Variants in NTN3 observed in about 807,000 individuals in gnomAD.
NTN3 encodes netrin 3, also known as netrin-3.
A neutral mutation model predicts 37.2 loss-of-function variants in NTN3; 44 were observed. That is an observed-to-expected ratio of 1.18 (90% CI 0.93 to 1.52). The LOEUF is 1.52. Among genes scored for constraint, NTN3 ranks in the 40% most tolerant of loss-of-function variants. NTN3 has a pLI of 0.00. For missense variants in NTN3, 882 were observed against 857.3 expected, an observed-to-expected ratio of 1.03 and a Z score of -0.36; for synonymous variants, 385 against 376.0, an observed-to-expected ratio of 1.02 and a Z score of -0.28.
chr16:2,472,347 A>G lies in NTN3; in HGVS notation c.646A>G (p.Thr216Ala), dbSNP rs781470949. 6.8e-6 allele frequency: 11 copies of G among 1,611,822 alleles called. No individual in the cohort carries two copies. In the South Asian group the frequency reaches 1.1e-4, roughly 16 times the overall value. The change falls in exon 1 of 6, where the codon ACC (threonine) becomes GCC (alanine). Residue 216 changes from threonine to alanine, a missense_variant. By Grantham distance (58) the Thr-to-Ala change is moderately conservative (BLOSUM62 0). Coordinates refer to ENST00000293973, the MANE Select transcript of NTN3 (RefSeq NM_006181.3). ...DSSPVLQDWVTATDVRVVLTR... is the reference protein window; with the variant it reads ...DSSPVLQDWVAATDVRVVLTR... ...CAGCCCAGTGCTCCAAGACTGGGTG[A>G]CCGCCACCGACGTCCGTGTAGTGCT... is the stretch of plus-strand genomic sequence containing the variant.
At chr16:2,473,397 G>C (rs775247454) in intron 4 of NTN3, 32 bp from the exon 5 acceptor site, 1 of 1,612,694 alleles carries the variant, frequency 6.2e-7, no homozygotes, top group East Asian at 2.2e-5. Context: ...TGGGGAAAGG[G>C]AGTCTGTGCC....
rs1283649834 is a variant in NTN3, at chr16:2,472,240, C to T, written c.539C>T (p.Ala180Val). ...GPGPEALCFP[A>V]PLAQPDGSGL... The stretch of plus-strand genomic sequence containing the variant: ...GGGCCTGAGGCCCTGTGCTTCCCCG[C>T]ACCCCTGGCCCAGCCTGATGGCAGC... The change falls in exon 1 of 6, where the codon GCA (alanine) becomes GTA (valine). Residue 180 changes from alanine (A) to valine (V), a missense_variant. By Grantham distance (64) the Ala-to-Val change is moderately conservative (BLOSUM62 0). Coordinates refer to ENST00000293973, the MANE Select transcript of NTN3 (RefSeq NM_006181.3). 1.2e-6 allele frequency: 2 copies of T among 1,610,340 alleles called. No individual in the cohort carries two copies. Among genetic ancestry groups the T allele is most frequent in the Admixed American group, 1.7e-5 (1 of 59,778 alleles).
rs771510249 is a variant in NTN3 at position 2,472,986 on chromosome 16, C to G, written c.1119C>G (p.Ala373=). The stretch of plus-strand genomic sequence containing the variant: ...GGCCCTTCCCACCTCTGTCCTCAGC[C>G]TGCGACTGTCACCCGGTTGGTGCTG... ...RALSDRRACR[A]CDCHPVGAAG... is the part of the protein sequence containing the mutation. The change falls in exon 3 of 6, where the codon GCC becomes GCG. Residue 373 remains alanine, a splice_region_variant and synonymous_variant. Coordinates refer to ENST00000293973, the MANE Select transcript of NTN3 (RefSeq NM_006181.3). 1.3e-6 allele frequency: 2 copies of G among 1,599,846 alleles called. No homozygotes were observed. The highest frequency in any genetic ancestry group is 1.7e-6 in the Non-Finnish European group (2 of 1,172,438).
chr16:2,473,589 C>T (rs2065536772), intron 5 of NTN3, 86 bp downstream of exon 5: 1 of 1,437,580 alleles, frequency 7.0e-7, no homozygotes, highest in Non-Finnish European at 9.7e-7. Context: ...CTTGGAACGC[C>T]TTGACCCTTG....
In NTN3 at chr16:2,472,520, C is replaced by G; in HGVS notation, c.819C>G (p.Ile273Met). 6 of 1,608,276 alleles carry G rather than the reference C, an allele frequency of 3.7e-6. No homozygotes were observed. Among genetic ancestry groups the G allele is most frequent in the Non-Finnish European group, 4.2e-6 (5 of 1,179,184 alleles). The change falls in exon 1 of 6, where the codon ATC becomes ATG. Residue 273 changes from isoleucine to methionine, a missense_variant. Coordinates refer to ENST00000293973, the MANE Select transcript of NTN3 (RefSeq NM_006181.3). ...RCLLDTQGHL[I>M]CDCRHGTEGP... Reference sequence around the variant, plus strand: ...TGCTGGACACACAGGGCCACCTGATCTGCGACTGTCGGCATGGCACCGAGG... The same window carrying G: ...TGCTGGACACACAGGGCCACCTGATGTGCGACTGTCGGCATGGCACCGAGG...
In NTN3 at chr16:2,473,291, G is replaced by A; in HGVS notation, c.1291G>A (p.Glu431Lys). The A allele has an allele frequency of 6.2e-7, 1 of 1,612,912 alleles. No homozygotes were observed. The highest frequency in any genetic ancestry group is 1.3e-5 in the African/African-American group (1 of 75,026). The change falls in exon 4 of 6, where the codon GAG (glutamate) becomes AAG (lysine). Residue 431 changes from glutamate to lysine, a missense_variant. Glu to Lys is a moderately conservative substitution (Grantham distance 56). Coordinates refer to ENST00000293973, the MANE Select transcript of NTN3 (RefSeq NM_006181.3). ...AGAGACCCCTATCCCTGGACCCACT[G>A]AGGACAGCAGCCCTGTGCAGCCCCA... ...CVKTPIPGPT[E>K]DSSPVQPQDC...
rs1290011785 is a variant in NTN3 at position 2,473,039 on chromosome 16, G to A, written c.1172G>A (p.Gly391Asp). 3.7e-6 allele frequency: 6 copies of A among 1,611,036 alleles called. No homozygotes were observed. In the South Asian group the frequency reaches 4.4e-5, roughly 12 times the overall value. The change falls in exon 3 of 6, where the codon GGC becomes GAC. Residue 391 changes from glycine (G) to aspartate (D), a missense_variant. By Grantham distance (94) the Gly-to-Asp change is moderately conservative. Transcript: ENST00000293973. ...AAGKTCNQTT[G>D]QCPCKDGVTG... ...GGCAAGACCTGCAACCAGACCACAG[G>A]CCAGTGTCCCTGCAAGGATGGCGTC...
chr16:2,473,483 A>G lies in NTN3; in HGVS notation c.1373A>G (p.Lys458Arg). The G allele has an allele frequency of 3.1e-6, 5 of 1,612,996 alleles. No homozygotes were observed. The highest frequency in any genetic ancestry group is 4.2e-6 in the Non-Finnish European group (5 of 1,179,962). ...GGCAGCTACCGCATCAGCCTAAAGAAGTTCTGCAAGAAGGACTATGGTAGG... is the reference window on the plus strand; with the variant it reads ...GGCAGCTACCGCATCAGCCTAAAGAGGTTCTGCAAGAAGGACTATGGTAGG... ...ARGSYRISLKKFCKKDYAVQV... is the reference protein window; with the variant it reads ...ARGSYRISLKRFCKKDYAVQV... The change falls in exon 5 of 6, where the codon AAG becomes AGG. Residue 458 changes from lysine to arginine, a missense_variant. Transcript: ENST00000293973.
rs772148610 is a variant in NTN3 at position 2,472,238 on chromosome 16, CG to C, written c.538del (p.Ala180HisfsTer36). 1.9e-6 allele frequency: 3 copies of C among 1,610,504 alleles called. No individual in the cohort carries two copies. Among genetic ancestry groups the C allele is most frequent in the Middle Eastern group, 3.3e-4 (2 of 6,060 alleles). ...GPGPEALCFP[A>X]PLAQPDGSGL... is the part of the protein sequence containing the mutation. Reference sequence around the variant, plus strand: ...CAGGGCCTGAGGCCCTGTGCTTCCCCGCACCCCTGGCCCAGCCTGATGGCAG... The same window carrying C: ...CAGGGCCTGAGGCCCTGTGCTTCCCCCACCCCTGGCCCAGCCTGATGGCAG... On this transcript the variant is annotated frameshift_variant, in exon 1 of 6. Coordinates refer to ENST00000293973, the MANE Select transcript of NTN3 (RefSeq NM_006181.3). LOFTEE classifies it high-confidence loss of function.
chr16:2,472,828 C>T lies in NTN3; in HGVS notation c.1056C>T (p.Tyr352=). ...ACACCGCCGGCCGCCACTGCCACTA[C>T]TGCCGGGAGGGCTTCTATCGAGACC... ...RHNTAGRHCH[Y]CREGFYRDPG... The change falls in exon 2 of 6, where the codon TAC becomes TAT. Residue 352 remains tyrosine (Y), a synonymous_variant. Coordinates refer to ENST00000293973, the MANE Select transcript of NTN3 (RefSeq NM_006181.3). 6.2e-7 allele frequency: 1 copy of T among 1,609,940 alleles called. No individual in the cohort carries two copies. The highest frequency in any genetic ancestry group is 8.5e-7 in the Non-Finnish European group (1 of 1,179,536).
rs770682320 is a variant in NTN3 at position 2,472,542 on chromosome 16, G to A, written c.841G>A (p.Glu281Lys). The A allele has an allele frequency of 1.0e-5, 16 of 1,605,704 alleles. No individual in the cohort carries two copies. Among genetic ancestry groups the A allele is most frequent in the African/African-American group, 2.7e-5 (2 of 74,910 alleles). Residue 281 changes from glutamate (E) to lysine (K), a missense_variant, in exon 1 of 6, where the codon GAG (glutamate) becomes AAG (lysine). Coordinates refer to ENST00000293973, the MANE Select transcript of NTN3 (RefSeq NM_006181.3). ...GATCTGCGACTGTCGGCATGGCACC[G>A]AGGGCCCTGACTGCGGCCGCTGCAA... ...HLICDCRHGT[E>K]GPDCGRCKPF... is the part of the protein sequence containing the mutation.
Position 2,473,926 on chromosome 16 carries a change from G to A in NTN3, c.1564G>A (p.Gly522Ser), listed in dbSNP as rs1567401133. ...AACGCPRLLPGRRYLLLGGGP... is the reference protein window; with the variant it reads ...AACGCPRLLPSRRYLLLGGGP... Reference sequence around the variant, plus strand: ...CTGCGGCTGCCCGCGCCTGCTCCCCGGCCGCCGCTACCTCCTGCTGGGGGG... The same window carrying A: ...CTGCGGCTGCCCGCGCCTGCTCCCCAGCCGCCGCTACCTCCTGCTGGGGGG... The change falls in exon 6 of 6, where the codon GGC becomes AGC. Residue 522 changes from glycine to serine, a missense_variant. Gly to Ser is a moderately conservative substitution (Grantham distance 56). Transcript: ENST00000293973. The A allele has an allele frequency of 8.4e-7, 1 of 1,186,438 alleles. No individual in the cohort carries two copies. The highest frequency in any genetic ancestry group is 3.7e-5 in the East Asian group (1 of 27,282). 73.5% of individuals were successfully genotyped at this position (1,186,438 alleles called of 1,614,324 possible).
intron 4 of NTN3, 25 bp from the exon 5 acceptor site, chr16:2,473,404 T>A (rs2065534783): frequency 6.2e-7 from 1 of 1,610,992 alleles, no homozygotes; most frequent in African/African-American, 1.3e-5. Flanking sequence ...AGGGAGTCTG[T>A]GCCAGCCTCC....
At position 2,473,905 on chromosome 16, in the gene NTN3, G is replaced by A; in HGVS notation, c.1543G>A (p.Gly515Ser). ...LWVPAGDAAC[G>S]CPRLLPGRRY... ...GGTGCCCGCCGGGGATGCGGCCTGCGGCTGCCCGCGCCTGCTCCCCGGCCG... is the reference window on the plus strand; with the variant it reads ...GGTGCCCGCCGGGGATGCGGCCTGCAGCTGCCCGCGCCTGCTCCCCGGCCG... Residue 515 changes from glycine to serine, a missense_variant, in exon 6 of 6, where the codon GGC (glycine) becomes AGC (serine). Gly to Ser is a moderately conservative substitution (Grantham distance 56, BLOSUM62 0). Transcript: ENST00000293973. 2 of 1,207,836 alleles carry A rather than the reference G, an allele frequency of 1.7e-6. No individual in the cohort carries two copies. The highest frequency in any genetic ancestry group is 2.1e-6 in the Non-Finnish European group (2 of 973,540). The allele number at this position is 1,207,836 out of a possible 1,614,324, so 74.8% of individuals were successfully genotyped here.
Position 2,471,350 on chromosome 16 carries a change from A to T in NTN3, c.-352A>T. The T allele has an allele frequency of 5.5e-6, 1 of 180,894 alleles. No individual in the cohort carries two copies. Among genetic ancestry groups the T allele is most frequent in the Non-Finnish European group, 1.1e-5 (1 of 87,334 alleles). The allele number at this position is 180,894 out of a possible 1,614,324, so 11.2% of individuals were successfully genotyped here. On this transcript the variant is annotated 5_prime_UTR_variant, in exon 1 of 6. Coordinates refer to ENST00000293973, the MANE Select transcript of NTN3 (RefSeq NM_006181.3). Reference sequence around the variant, plus strand: ...GAGGAGGCGGCGGCCCGTGCACCGCAGGCCCCGCCCGCCCACGGCCCTTCC... The same window carrying T: ...GAGGAGGCGGCGGCCCGTGCACCGCTGGCCCCGCCCGCCCACGGCCCTTCC...
chr16:2,473,354 G>C (rs755635646), intron 4 of NTN3, 36 bp downstream of exon 4: 1 of 1,612,724 alleles, frequency 6.2e-7, no homozygotes, highest in East Asian at 2.2e-5. Flanking sequence ...AGACTGGCAT[G>C]ACTTTGGGGG....
chr16:2,473,901 C>A lies in NTN3; in HGVS notation c.1539C>A (p.Ala513=). The A allele has an allele frequency of 8.3e-7, 1 of 1,211,500 alleles. No homozygotes were observed. Among genetic ancestry groups the A allele is most frequent in the Non-Finnish European group, 1.0e-6 (1 of 975,844 alleles). The allele number at this position is 1,211,500 out of a possible 1,614,324, so 75.0% of individuals were successfully genotyped here. A position where few individuals can be genotyped will look rare whatever the true frequency, so the allele number is the denominator to read the frequency against. ...SALWVPAGDA[A]CGCPRLLPGR... ...TGTGGGTGCCCGCCGGGGATGCGGC[C>A]TGCGGCTGCCCGCGCCTGCTCCCCG... Residue 513 remains alanine (A), a synonymous_variant, in exon 6 of 6, where the codon GCC becomes GCA. Coordinates refer to ENST00000293973, the MANE Select transcript of NTN3 (RefSeq NM_006181.3).
Position 2,473,052 on chromosome 16 carries a change from CA to C in NTN3, c.1187del (p.Lys396ArgfsTer61). Reference protein sequence around the residue: ...CNQTTGQCPCKDGVTGLTCNR... With the variant: ...CNQTTGQCPCXDGVTGLTCNR... Reference sequence around the variant, plus strand: ...ACCAGACCACAGGCCAGTGTCCCTGCAAGGATGGCGTCACTGGCCTCACCTG... The same window carrying C: ...ACCAGACCACAGGCCAGTGTCCCTGCAGGATGGCGTCACTGGCCTCACCTG... On this transcript the variant is annotated frameshift_variant, in exon 3 of 6. Coordinates refer to ENST00000293973, the MANE Select transcript of NTN3 (RefSeq NM_006181.3). LOFTEE classifies it high-confidence loss of function. 1 of 1,611,554 alleles carries C rather than the reference CA, an allele frequency of 6.2e-7. No individual in the cohort carries two copies. Among genetic ancestry groups the C allele is most frequent in the Non-Finnish European group, 8.5e-7 (1 of 1,179,546 alleles).
chr16:2,472,129 G>A lies in NTN3; in HGVS notation c.428G>A (p.Ser143Asn), dbSNP rs757164173. ...ALLKSQDHGR[S>N]WAPLGFFSSH... The stretch of plus-strand genomic sequence containing the variant: ...CTCAAGTCTCAGGACCATGGCCGCA[G>A]CTGGGCCCCGCTGGGCTTCTTCTCC... The change falls in exon 1 of 6, where the codon AGC becomes AAC. Residue 143 changes from serine to asparagine, a missense_variant. Ser to Asn is a conservative substitution (Grantham distance 46). Transcript: ENST00000293973. 6.2e-7 allele frequency: 1 copy of A among 1,607,674 alleles called. No individual in the cohort carries two copies. The highest frequency in any genetic ancestry group is 1.1e-5 in the South Asian group (1 of 90,888).
Sources: gnomAD v4.1 joint callset for allele counts on GRCh38, gnomAD v4.1.1 for gene constraint, MANE v1.5 for transcripts, NCBI Gene and HGNC (gene_info 2026-07-23, HGNC 2026-07-21) for gene names.